Variants in MPPED1 observed in about 807,000 individuals in gnomAD.
The protein encoded by MPPED1 is metallophosphoesterase domain-containing protein 1.
A neutral mutation model predicts 36.2 loss-of-function variants in MPPED1; 16 were observed. The ratio of observed to expected loss-of-function variants is 0.44; its 90% CI spans 0.30 to 0.67. MPPED1 has a LOEUF of 0.67. Ranked by LOEUF, MPPED1 falls within the 30% of genes least tolerant of loss-of-function variation. The pLI is 0.10. For missense variants in MPPED1, 307 were observed against 453.4 expected, an observed-to-expected ratio of 0.68 and a Z score of 2.93; for synonymous variants, 199 against 191.3, an observed-to-expected ratio of 1.04 and a Z score of -0.33.
intron 2 of MPPED1, among the ~76,000 whole-genome samples, chr22:43,434,652 A>G (rs1291551870): frequency 2.0e-5 from 3 of 152,206 alleles, no homozygotes; most frequent in Non-Finnish European, 4.4e-5. Context: ...AATAAAAGAC[A>G]TCTTGAAGAG....
intron 4 of MPPED1, among the ~76,000 whole-genome samples, chr22:43,475,518 GT>G (rs1931523733): frequency 0.01 from 6 of 582 alleles, no homozygotes; most frequent in African/African-American, 0.016. Context: ...CATGATGATG[GT>G]TGTGGTGGTG....
At position 43,506,787 on chromosome 22, in the gene MPPED1, G is replaced by C. The variant is rs1004706997; in HGVS notation, c.*1171G>C. The C allele has an allele frequency of 6.6e-6, 1 of 152,178 alleles. No homozygotes were observed. Among genetic ancestry groups the C allele is most frequent in the African/African-American group, 2.4e-5 (1 of 41,416 alleles). The allele number at this position is 152,178 out of a possible 1,614,324, so 9.4% of individuals were successfully genotyped here. On this transcript the variant is annotated 3_prime_UTR_variant, in exon 7 of 7. Transcript: ENST00000443721. Reference sequence around the variant, plus strand: ...TGGGAACCGGTAGGGCCTAGATGAGGGGCAGGCAGTCAGGCAGAAATGGGC... The same window carrying C: ...TGGGAACCGGTAGGGCCTAGATGAGCGGCAGGCAGTCAGGCAGAAATGGGC...
chr22:43,446,743 A>G (rs1442878087), intron 3 of MPPED1, among the ~76,000 whole-genome samples: 1 of 152,166 alleles, frequency 6.6e-6, no homozygotes, highest in Non-Finnish European at 1.5e-5. Context: ...TCAAGGGTTG[A>G]GGCTAACCTA....
intron 2 of MPPED1, among the ~76,000 whole-genome samples, chr22:43,431,314 A>G (rs373331762): frequency 1.2e-3 from 180 of 152,156 alleles, no homozygotes; most frequent in African/African-American, 4.1e-3. Flanking sequence ...AAGTGCTGGG[A>G]ATACAGGTGT....
chr22:43,420,656 C>T (rs555571641), intron 1 of MPPED1, among the ~76,000 whole-genome samples: 1 of 152,184 alleles, frequency 6.6e-6, no homozygotes, highest in African/African-American at 2.4e-5. Context: ...CCCGCCTCGG[C>T]GTCCCAAAGT....
At chr22:43,501,585 G>C (rs887196961) in intron 5 of MPPED1, among the ~76,000 whole-genome samples, 2 of 152,128 alleles carry the variant, frequency 1.3e-5, no homozygotes, top group Non-Finnish European at 2.9e-5. Context: ...CGAGGTGCTG[G>C]AGACCCTCCC....
rs182752460 is a variant in MPPED1, at chr22:43,448,079, G to A, written c.406+12864G>A. On this transcript the variant is annotated intron_variant, in intron 3 of 6. Transcript: ENST00000443721. Reference sequence around the variant, plus strand: ...TTTTTAATTTTTGTATTTAGAGGCAGGGTTTCACCATGTTGGTGAGGCTGG... The same window carrying A: ...TTTTTAATTTTTGTATTTAGAGGCAAGGTTTCACCATGTTGGTGAGGCTGG... Among the ~76,000 whole-genome samples the A allele has an allele frequency of 3.6e-4, 55 of 151,822 alleles. No individual in the cohort carries two copies. In the East Asian group the frequency reaches 9.9e-3, roughly 27 times the overall value.
intron 3 of MPPED1, among the ~76,000 whole-genome samples, chr22:43,459,737 GA>G (rs1930879788): frequency 6.6e-6 from 1 of 152,098 alleles, no homozygotes; most frequent in Admixed American, 6.5e-5. Context: ...TAATGTTCTT[GA>G]ATTCTTTAGA....
intron 5 of MPPED1, among the ~76,000 whole-genome samples, chr22:43,500,260 TGATGGTGATGGAGGTGGC>T (rs1305301092): frequency 8.5e-5 from 11 of 129,856 alleles, no homozygotes; most frequent in African/African-American, 1.6e-4. Context: ...ATGATGGTGG[TGATGGTGATGGAGGTGGC>T]GGTGGTGATG....
At chr22:43,414,235 A>G (rs978156924) in intron 1 of MPPED1, among the ~76,000 whole-genome samples, 52 of 152,206 alleles carry the variant, frequency 3.4e-4, no homozygotes, top group African/African-American at 1.2e-3. Context: ...TCTTCATCCA[A>G]TGAATGTGGC....
intron 3 of MPPED1, among the ~76,000 whole-genome samples, chr22:43,447,350 A>C (rs994389021): frequency 6.6e-6 from 1 of 152,164 alleles, no homozygotes; most frequent in Non-Finnish European, 1.5e-5. Flanking sequence ...TGTCATTTTC[A>C]TACAGGATTT....
intron 3 of MPPED1, among the ~76,000 whole-genome samples, chr22:43,436,861 C>A (rs1569069153): frequency 6.6e-6 from 1 of 152,274 alleles, no homozygotes; most frequent in Non-Finnish European, 1.5e-5. Flanking sequence ...CCATTTGCGT[C>A]CCTATTTGAC....
rs187255251 is a variant in MPPED1, at chr22:43,462,841, T to C, written c.407-11895T>C. On this transcript the variant is annotated intron_variant, in intron 3 of 6. Transcript: ENST00000443721. ...ATCATCTCCTTTCACCTTTCTTCTG[T>C]CTTGTAACCCCTGGTTCTGGGATCC... Among the ~76,000 whole-genome samples, 105 of 152,298 alleles carry C rather than the reference T, an allele frequency of 6.9e-4. 2 individuals are homozygous for C. Among genetic ancestry groups the C allele is most frequent in the Admixed American group, 5.2e-3 (79 of 15,294 alleles).
chr22:43,480,091 T>C (rs571279264), intron 4 of MPPED1, among the ~76,000 whole-genome samples: 3 of 152,308 alleles, frequency 2.0e-5, no homozygotes, highest in East Asian at 1.9e-4. Context: ...TTCAAACTCC[T>C]GGGCTCAAGC....
chr22:43,471,652 G>A (rs746785628), intron 3 of MPPED1, among the ~76,000 whole-genome samples: 18 of 152,204 alleles, frequency 1.2e-4, no homozygotes, highest in African/African-American at 2.9e-4. Flanking sequence ...TCAGGCCCAC[G>A]CAGCCCTCTT....
At chr22:43,504,545 G>A (rs905506535) in intron 6 of MPPED1, among the ~76,000 whole-genome samples, 2 of 151,256 alleles carry the variant, frequency 1.3e-5, no homozygotes, top group Non-Finnish European at 2.9e-5. Flanking sequence ...GATGATGTTG[G>A]TGGTGATAGC....
chr22:43,451,296 C>T (rs774938984), intron 3 of MPPED1, among the ~76,000 whole-genome samples: 2 of 152,206 alleles, frequency 1.3e-5, no homozygotes, highest in African/African-American at 2.4e-5. Context: ...TGAGCCGCTG[C>T]GCCCAGCTGG....
intron 1 of MPPED1, among the ~76,000 whole-genome samples, chr22:43,421,572 G>A (rs1237152799): frequency 1.3e-5 from 2 of 152,224 alleles, no homozygotes; most frequent in Non-Finnish European, 2.9e-5. Flanking sequence ...TATGCAAGGT[G>A]GGTAAGATGG....
At chr22:43,425,272 C>G (rs1267947789) in intron 2 of MPPED1, 63 bp downstream of exon 2, 1 of 1,476,286 alleles carries the variant, frequency 6.8e-7, no homozygotes, top group East Asian at 2.5e-5. Flanking sequence ...GGTGCATGGT[C>G]TCGGGTGCCT....
Sources: gnomAD v4.1 joint callset for allele counts (sites outside exome capture counted in the v4.1 genomes callset) on GRCh38, gnomAD v4.1.1 for gene constraint, MANE v1.5 for transcripts, NCBI Gene and HGNC (gene_info 2026-07-23, HGNC 2026-07-21) for gene names.